The following ASXL3 variants were observed in gnomAD, a reference collection of about 807,000 sequenced individuals.
ASXL3 encodes putative Polycomb group protein ASXL3.
Under a neutral mutation model 170.6 loss-of-function variants are expected in ASXL3, and 34 were observed. That is an observed-to-expected ratio of 0.20 (90% CI 0.15 to 0.27). The LOEUF is 0.27. Ranked by LOEUF, ASXL3 falls within the 10% of genes least tolerant of loss-of-function variation. ASXL3 has a pLI of 1.00. For missense variants in ASXL3, 2,592 were observed against 2,695.3 expected, an observed-to-expected ratio of 0.96 and a Z score of 0.85; for synonymous variants, 1,002 against 989.1, an observed-to-expected ratio of 1.01 and a Z score of -0.24.
intron 1 of ASXL3, among the ~76,000 whole-genome samples, chr18:33,588,882 C>T (rs1432583235): frequency 1.3e-5 from 2 of 152,142 alleles, no homozygotes; most frequent in African/African-American, 4.8e-5. Context: ...CCACCATTTC[C>T]ACATTTGTTC....
chr18:33,719,419 G>A (rs1005503827), intron 8 of ASXL3, among the ~76,000 whole-genome samples: 1 of 151,996 alleles, frequency 6.6e-6, no homozygotes, highest in African/African-American at 2.4e-5. Flanking sequence ...TGATAAAACG[G>A]GGACCATGCC....
At chr18:33,703,725 A>C (rs968606805) in intron 8 of ASXL3, among the ~76,000 whole-genome samples, 1 of 151,686 alleles carries the variant, frequency 6.6e-6, no homozygotes, top group Non-Finnish European at 1.5e-5. Context: ...AGCTTCCCTC[A>C]CATGAATCTA....
chr18:33,668,541 TAGTC>T (rs765095481), intron 5 of ASXL3, among the ~76,000 whole-genome samples: 59 of 152,142 alleles, frequency 3.9e-4, no homozygotes, highest in African/African-American at 1.1e-3. Context: ...TACTAAGAAA[TAGTC>T]AGGTTGTCTG....
At chr18:33,675,749 A>G (rs940239519) in intron 7 of ASXL3, among the ~76,000 whole-genome samples, 4 of 152,034 alleles carry the variant, frequency 2.6e-5, no homozygotes, top group East Asian at 1.9e-4. Flanking sequence ...CTAAGAGACA[A>G]TGGACCCCAG....
chr18:33,608,995 GA>G, intron 2 of ASXL3: 1 of 982,514 alleles, frequency 1.0e-6, no homozygotes, highest in Non-Finnish European at 1.2e-6. Flanking sequence ...GCCTACGCTG[GA>G]GAAATAGCCT....
intron 8 of ASXL3, among the ~76,000 whole-genome samples, chr18:33,720,321 C>A (rs999906189): frequency 6.6e-6 from 1 of 152,026 alleles, no homozygotes; most frequent in African/African-American, 2.4e-5. Context: ...GTCACTTAAA[C>A]ACAGCTGTTC....
intron 4 of ASXL3, among the ~76,000 whole-genome samples, chr18:33,652,603 C>CAAAAAAAAAAAAAAAAAAAAA (rs554834298): frequency 8.0e-5 from 9 of 112,316 alleles, no homozygotes; most frequent in African/African-American, 2.1e-4. Context: ...TCTGTTGGGG[C>CAAAAAAAAAAAAAAAAAAAAA]AAAAAAAAAA....
intron 5 of ASXL3, among the ~76,000 whole-genome samples, chr18:33,664,709 A>G (rs1211389915): frequency 6.6e-6 from 1 of 152,190 alleles, no homozygotes; most frequent in Non-Finnish European, 1.5e-5. Context: ...CCCCTGCCTA[A>G]AGCATGTTGC....
At position 33,601,145 on chromosome 18, in the gene ASXL3, T is replaced by G. The variant is rs536622129; in HGVS notation, c.55-6449T>G. On this transcript the variant is annotated intron_variant, in intron 1 of 11. Coordinates refer to ENST00000269197, the MANE Select transcript of ASXL3 (RefSeq NM_030632.3). ...ATGAGAATATGTGGCTAGTCTGATT[T>G]GTAGTAACTAGTGAAGTTTACTTAG... Among the ~76,000 whole-genome samples, 3 of 152,124 alleles carry G rather than the reference T, an allele frequency of 2.0e-5. No homozygotes were observed. The South Asian group carries it at 6.2e-4, about 31-fold the overall frequency.
rs77581760 is a variant in ASXL3 at position 33,738,290 on chromosome 18, C to T, written c.1083-197C>T. ...AATCTAGACTGTTCTTAACCAAAAG[C>T]AGAGTATTAGTTGAGATTATAAAAG... On this transcript the variant is annotated intron_variant, in intron 10 of 11. Coordinates refer to ENST00000269197, the MANE Select transcript of ASXL3 (RefSeq NM_030632.3). Among the ~76,000 whole-genome samples the T allele has an allele frequency of 0.022, 3,415 of 152,014 alleles. 136 individuals are homozygous for T. The highest frequency in any genetic ancestry group is 0.078 in the African/African-American group (3,247 of 41,478).
chr18:33,603,811 C>T (rs1488454498), intron 1 of ASXL3, among the ~76,000 whole-genome samples: 1 of 152,024 alleles, frequency 6.6e-6, no homozygotes. Context: ...GAAGTAAGAT[C>T]ACAAATATAG....
intron 8 of ASXL3, among the ~76,000 whole-genome samples, chr18:33,684,298 T>C (rs1482110669): frequency 3.3e-5 from 5 of 152,194 alleles, no homozygotes; most frequent in Admixed American, 1.3e-4. Context: ...AAACTGTGCA[T>C]CATTTTCAAT....
At chr18:33,712,407 C>G (rs2067082679) in intron 8 of ASXL3, among the ~76,000 whole-genome samples, 2 of 152,244 alleles carry the variant, frequency 1.3e-5, no homozygotes, top group South Asian at 4.1e-4. Flanking sequence ...AGATTACTTG[C>G]TTGCAGGCCT....
At chr18:33,688,898 T>C (rs893368851) in intron 8 of ASXL3, among the ~76,000 whole-genome samples, 1 of 152,244 alleles carries the variant, frequency 6.6e-6, no homozygotes, top group Non-Finnish European at 1.5e-5. Context: ...TCATAAACTT[T>C]TAGAAAATGT....
At chr18:33,640,812 CA>C (rs2065835132) in intron 2 of ASXL3, among the ~76,000 whole-genome samples, 1 of 151,580 alleles carries the variant, frequency 6.6e-6, no homozygotes, top group Non-Finnish European at 1.5e-5. Flanking sequence ...GCACTAAGCA[CA>C]GTAACTAATT....
chr18:33,709,817 T>C (rs2067025627), intron 8 of ASXL3, among the ~76,000 whole-genome samples: 1 of 152,204 alleles, frequency 6.6e-6, no homozygotes. Flanking sequence ...CCCTAACTTG[T>C]TTGGCTCTGC....
intron 8 of ASXL3, among the ~76,000 whole-genome samples, chr18:33,707,908 T>G (rs2145340553): frequency 6.6e-6 from 1 of 152,228 alleles, no homozygotes; most frequent in African/African-American, 2.4e-5. Flanking sequence ...GATGATTTCT[T>G]CTTTATTATA....
At chr18:33,677,577 G>A (rs977082130) in intron 7 of ASXL3, among the ~76,000 whole-genome samples, 1 of 152,168 alleles carries the variant, frequency 6.6e-6, no homozygotes, top group African/African-American at 2.4e-5. Flanking sequence ...TTTGGACAAT[G>A]TATTATAAAA....
rs1269816177 is a variant in ASXL3 at position 33,744,997 on chromosome 18, G to A, written c.5149G>A (p.Glu1717Lys). ...GAAAGCTTCCACCTCAAGTCCCATGGAAGAGGCTATTTCCTTGGCTACCGA... is the reference window on the plus strand; with the variant it reads ...GAAAGCTTCCACCTCAAGTCCCATGAAAGAGGCTATTTCCTTGGCTACCGA... Reference protein sequence around the residue: ...NMKASTSSPMEEAISLATDAL... With the variant: ...NMKASTSSPMKEAISLATDAL... Residue 1717 changes from glutamate (E) to lysine (K), a missense_variant, in exon 12 of 12, where the codon GAA becomes AAA. By Grantham distance (56) the Glu-to-Lys change is moderately conservative. Around this residue, in one of 4 missense-constraint regions of ASXL3, gnomAD observed 2,246 missense variants for 2,219.6 expected, o/e 1.01. Coordinates refer to ENST00000269197, the MANE Select transcript of ASXL3 (RefSeq NM_030632.3). 3.7e-6 allele frequency: 6 copies of A among 1,613,878 alleles called. No homozygotes were observed. In the African/African-American group the frequency reaches 8.0e-5, roughly 22 times the overall value.
Sources: allele counts gnomAD v4.1 joint callset (sites outside exome capture counted in the v4.1 genomes callset), GRCh38; gene constraint gnomAD v4.1.1; regional missense constraint gnomAD v4.1.1; transcripts MANE v1.5; gene names NCBI Gene and HGNC (gene_info 2026-07-23, HGNC 2026-07-21).